Variants in ANKS1B observed in about 807,000 individuals in gnomAD.
ANKS1B encodes ankyrin repeat and sterile alpha motif domain containing 1B, also known as ankyrin repeat and sterile alpha motif domain-containing protein 1B.
Under a neutral mutation model 148.3 loss-of-function variants are expected in ANKS1B, and 36 were observed. The ratio of observed to expected loss-of-function variants is 0.24; its 90% CI spans 0.19 to 0.32. The LOEUF (loss-of-function observed/expected upper bound fraction) is 0.32, where lower values mean the gene tolerates loss of function less well. ANKS1B is among the 10% of genes least tolerant of loss of function. The pLI, the probability that ANKS1B is intolerant of heterozygous loss-of-function variation, is 1.00. For missense variants in ANKS1B, 1,157 were observed against 1,542.6 expected (o/e 0.75, Z 4.19); for synonymous variants, 542 against 560.8 (o/e 0.97, Z 0.47).
At chr12:99,207,540 G>GAGGA (rs2082832796) in intron 14 of ANKS1B, among the ~76,000 whole-genome samples, 1 of 152,008 alleles carries the variant, frequency 6.6e-6, no homozygotes, top group South Asian at 2.1e-4. Flanking sequence ...ATTGTTATAT[G>GAGGA]AGGAAGCACA....
At chr12:99,791,684 A>T (rs920308816) in intron 4 of ANKS1B, among the ~76,000 whole-genome samples, 1 of 151,984 alleles carries the variant, frequency 6.6e-6, no homozygotes, top group Non-Finnish European at 1.5e-5. Context: ...TCAGAAAGAA[A>T]ATTTAAAAAT....
intron 14 of ANKS1B, among the ~76,000 whole-genome samples, chr12:99,220,866 C>T (rs1038230614): frequency 1.3e-5 from 2 of 152,038 alleles, no homozygotes; most frequent in East Asian, 1.9e-4. Flanking sequence ...ATTCCTTATA[C>T]AACAGTAAAT....
At chr12:99,784,593 C>T (rs747331550) in intron 4 of ANKS1B, among the ~76,000 whole-genome samples, 3 of 152,176 alleles carry the variant, frequency 2.0e-5, no homozygotes, top group Non-Finnish European at 4.4e-5. Context: ...GATATACCTA[C>T]CACTAGTTAA....
intron 17 of ANKS1B, among the ~76,000 whole-genome samples, chr12:98,853,828 C>G (rs1351587729): frequency 6.6e-6 from 1 of 152,196 alleles, no homozygotes; most frequent in Non-Finnish European, 1.5e-5. Flanking sequence ...ATGGGGCTGG[C>G]ATGTGGTAGG....
At chr12:99,965,276 T>A (rs1336813888) in intron 1 of ANKS1B, among the ~76,000 whole-genome samples, 1 of 151,884 alleles carries the variant, frequency 6.6e-6, no homozygotes, top group Non-Finnish European at 1.5e-5. Context: ...AAAAAAAAAG[T>A]CAGCCTAAAA....
rs1021479569 is a variant in ANKS1B at position 99,372,313 on chromosome 12, C to A, written c.1756+27318G>T. Among the ~76,000 whole-genome samples the A allele has an allele frequency of 7.9e-5, 12 of 151,744 alleles. No individual in the cohort carries two copies. In the East Asian group the frequency reaches 1.2e-3, roughly 15 times the overall value. On this transcript the variant is annotated intron_variant, in intron 12 of 26. Transcript: ENST00000683438. ...GAAAAAATATGTCTTAAAAAAAAAA[C>A]TAATGACCCAAGTGTGAATAAAACA...
intron 15 of ANKS1B, among the ~76,000 whole-genome samples, chr12:99,124,897 G>A (rs2063871753): frequency 6.6e-6 from 1 of 152,086 alleles, no homozygotes; most frequent in Non-Finnish European, 1.5e-5. Context: ...TGACAAATTC[G>A]GCAATGGGAA....
At chr12:99,699,274 T>C (rs1444257864) in intron 8 of ANKS1B, among the ~76,000 whole-genome samples, 1 of 152,148 alleles carries the variant, frequency 6.6e-6, no homozygotes, top group Non-Finnish European at 1.5e-5. Flanking sequence ...TCACCATTTT[T>C]CCATGTGTTT....
At chr12:98,942,786 G>A (rs549850244) in intron 17 of ANKS1B, among the ~76,000 whole-genome samples, 17 of 152,276 alleles carry the variant, frequency 1.1e-4, no homozygotes, top group East Asian at 3.9e-4. Context: ...TGTGAGAATC[G>A]TCCTCTTTAA....
intron 12 of ANKS1B, among the ~76,000 whole-genome samples, chr12:99,393,335 A>G (rs1198300626): frequency 2.0e-5 from 3 of 152,194 alleles, no homozygotes; most frequent in African/African-American, 4.8e-5. Flanking sequence ...GTGCAGAGAG[A>G]GCCCCTTAGG....
intron 9 of ANKS1B, 34 bp from the exon 10 acceptor site, chr12:99,504,675 A>G: frequency 6.9e-7 from 1 of 1,442,852 alleles, no homozygotes; most frequent in Non-Finnish European, 9.3e-7. Context: ...CAGCTTTGTG[A>G]TGAAGAAACA....
chr12:99,133,139 C>T (rs1031694972), intron 15 of ANKS1B, among the ~76,000 whole-genome samples: 1 of 150,652 alleles, frequency 6.6e-6, no homozygotes, highest in Admixed American at 6.6e-5. Context: ...GCAACCTCTG[C>T]CTCCCAGGTT....
At chr12:99,884,093 A>G (rs1398276140) in intron 1 of ANKS1B, among the ~76,000 whole-genome samples, 2 of 152,076 alleles carry the variant, frequency 1.3e-5, no homozygotes, top group Non-Finnish European at 2.9e-5. Context: ...GGTTTTTGTG[A>G]TTACTCTTAA....
At chr12:99,000,252 T>A (rs1213855642) in intron 17 of ANKS1B, among the ~76,000 whole-genome samples, 2 of 150,014 alleles carry the variant, frequency 1.3e-5, no homozygotes, top group African/African-American at 4.9e-5. Flanking sequence ...CTTCTTTTCT[T>A]TTCTTTTTCT....
chr12:99,595,190 T>C (rs2097745519), intron 9 of ANKS1B, among the ~76,000 whole-genome samples: 2 of 152,020 alleles, frequency 1.3e-5, no homozygotes, highest in South Asian at 4.1e-4. Flanking sequence ...ACTTTATAAA[T>C]TTAAAATTGA....
chr12:99,166,073 T>C (rs2077161562), intron 14 of ANKS1B, among the ~76,000 whole-genome samples: 1 of 151,714 alleles, frequency 6.6e-6, no homozygotes. Flanking sequence ...AAATCCAGCA[T>C]CTACTTATGA....
At chr12:99,516,391 A>T (rs115913484) in intron 9 of ANKS1B, among the ~76,000 whole-genome samples, 5,820 of 152,182 alleles carry the variant, frequency 0.038, 351 homozygotes, top group African/African-American at 0.13. Context: ...TTTTGCCAGC[A>T]CAGAATACTA....
At chr12:99,946,208 T>C (rs951393966) in intron 1 of ANKS1B, among the ~76,000 whole-genome samples, 14 of 152,132 alleles carry the variant, frequency 9.2e-5, no homozygotes, top group Admixed American at 9.2e-4. Context: ...GAATATGAGA[T>C]ACTACTCAAT....
intron 12 of ANKS1B, among the ~76,000 whole-genome samples, chr12:99,320,318 T>G (rs2085004715): frequency 6.6e-6 from 1 of 152,244 alleles, no homozygotes; most frequent in South Asian, 2.1e-4. Flanking sequence ...CCCCGTCACT[T>G]TCTGGTACAA....
Sources: gnomAD v4.1 joint callset for allele counts (sites outside exome capture counted in the v4.1 genomes callset) on GRCh38, gnomAD v4.1.1 for gene constraint, MANE v1.5 for transcripts, NCBI Gene and HGNC (gene_info 2026-07-23, HGNC 2026-07-21) for gene names.